The following ALMS1 variants were observed in gnomAD, a reference collection of about 807,000 sequenced individuals.
The protein encoded by ALMS1 is centrosome-associated protein ALMS1.
In ALMS1, 271 loss-of-function variants were observed where a neutral mutation model predicts 352.2. The observed-to-expected ratio is 0.77, with a 90% CI of 0.70 to 0.85. ALMS1 has a LOEUF of 0.85. ALMS1 is among the 40% of genes least tolerant of loss of function. The probability of loss-of-function intolerance (pLI) is 0.00; values close to 1 mark genes in which losing one functional copy is unlikely to be tolerated. For missense variants in ALMS1, 5,445 were observed against 4,870.7 expected (o/e 1.12, Z -3.51); for synonymous variants, 1,865 against 1,761.2 (o/e 1.06, Z -1.48).
At chr2:73,575,549 G>C (rs1360212082) in intron 16 of ALMS1, among the ~76,000 whole-genome samples, 1 of 152,090 alleles carries the variant, frequency 6.6e-6, no homozygotes, top group Non-Finnish European at 1.5e-5. Context: ...TTGTGGTTTT[G>C]ATTTGCATTT....
intron 7 of ALMS1, among the ~76,000 whole-genome samples, chr2:73,447,617 A>G (rs561192105): frequency 5.9e-5 from 9 of 152,248 alleles, no homozygotes; most frequent in African/African-American, 1.9e-4. Flanking sequence ...GCAAGACACA[A>G]TAACAGATTG....
At position 73,519,816 on chromosome 2, in the gene ALMS1, A is replaced by G. The variant is rs1673634547; in HGVS notation, c.9581A>G (p.Glu3194Gly). The G allele has an allele frequency of 6.2e-7, 1 of 1,613,910 alleles. No individual in the cohort carries two copies. Among genetic ancestry groups the G allele is most frequent in the African/African-American group, 1.3e-5 (1 of 74,904 alleles). Residue 3194 changes from glutamate (E) to glycine (G), a missense_variant, in exon 11 of 23, where the codon GAA (glutamate) becomes GGA (glycine). Physicochemically the swap from Glu to Gly is moderately conservative, Grantham distance 98. Coordinates refer to ENST00000613296, the MANE Select transcript of ALMS1 (RefSeq NM_001378454.1). ...AAGACCCCACTTTCTGCTTTCTCTG[A>G]AAAATTGTCATCTGATGCAGTCACT... is the stretch of plus-strand genomic sequence containing the variant. ...KMKTPLSAFSEKLSSDAVTQI... is the reference protein window; with the variant it reads ...KMKTPLSAFSGKLSSDAVTQI...
chr2:73,439,282 A>G (rs1671668925), intron 7 of ALMS1, among the ~76,000 whole-genome samples: 1 of 150,588 alleles, frequency 6.6e-6, no homozygotes, highest in Admixed American at 6.6e-5. Context: ...TGCCCAGCTA[A>G]TCTTTTTTTT....
intron 2 of ALMS1, among the ~76,000 whole-genome samples, chr2:73,416,831 C>A (rs779089383): frequency 6.6e-6 from 1 of 152,104 alleles, no homozygotes; most frequent in African/African-American, 2.4e-5. Context: ...CATAAAGACT[C>A]AAAAACTTGT....
At chr2:73,502,650 G>A (rs1673240792) in intron 10 of ALMS1, among the ~76,000 whole-genome samples, 1 of 152,098 alleles carries the variant, frequency 6.6e-6, no homozygotes, top group Admixed American at 6.6e-5. Context: ...CTATGGATAT[G>A]ATCATACATG....
In ALMS1 at chr2:73,386,142, T is replaced by C; in HGVS notation, c.274T>C (p.Ser92Pro). ...AHPGRILPPL[S>P]PPQHRYSEGE... is the part of the protein sequence containing the mutation. ...CCCCGGCAGGATTTTGCCTCCGCTGTCGCCCCCGCAGCACCGCTACTCGGA... is the reference window on the plus strand; with the variant it reads ...CCCCGGCAGGATTTTGCCTCCGCTGCCGCCCCCGCAGCACCGCTACTCGGA... The change falls in exon 1 of 23, where the codon TCG (serine) becomes CCG (proline). Residue 92 changes from serine to proline, a missense_variant. By Grantham distance (74) the Ser-to-Pro change is moderately conservative (BLOSUM62 -1). Transcript: ENST00000613296. 2 of 1,560,056 alleles carry C rather than the reference T, an allele frequency of 1.3e-6. No homozygotes were observed. The highest frequency in any genetic ancestry group is 1.7e-6 in the Non-Finnish European group (2 of 1,152,720).
Position 73,424,885 on chromosome 2 carries a change from C to T in ALMS1, c.1220C>T (p.Ala407Val). The T allele has an allele frequency of 6.2e-7, 1 of 1,601,822 alleles. No individual in the cohort carries two copies. Among genetic ancestry groups the T allele is most frequent in the Non-Finnish European group, 8.5e-7 (1 of 1,173,618 alleles). The change falls in exon 5 of 23, where the codon GCA becomes GTA. Residue 407 changes from alanine to valine, a missense_variant. Transcript: ENST00000613296. ...YWTQEDSSKQ[A>V]ETYLTKGLQG... is the part of the protein sequence containing the mutation. ...ACACAGGAAGATTCATCTAAGCAGG[C>T]AGAAACATATTTAACCAGTAAGTAC...
chr2:73,397,674 G>T (rs1670790552), intron 1 of ALMS1, among the ~76,000 whole-genome samples: 1 of 152,170 alleles, frequency 6.6e-6, no homozygotes, highest in Non-Finnish European at 1.5e-5. Flanking sequence ...ATTTCACCAT[G>T]TTAGGCTGGT....
At chr2:73,502,094 T>G (rs761709872) in intron 10 of ALMS1, among the ~76,000 whole-genome samples, 4 of 152,136 alleles carry the variant, frequency 2.6e-5, no homozygotes, top group Non-Finnish European at 4.4e-5. Context: ...GTCATGCCAA[T>G]TTGTAGGTCC....
chr2:73,442,562 T>A (rs1410941558), intron 7 of ALMS1, among the ~76,000 whole-genome samples: 1 of 152,180 alleles, frequency 6.6e-6, no homozygotes, highest in African/African-American at 2.4e-5. Flanking sequence ...ATTTCTATTA[T>A]ATACTTAACA....
intron 1 of ALMS1, among the ~76,000 whole-genome samples, chr2:73,389,349 C>T (rs1475535390): frequency 6.6e-6 from 1 of 152,088 alleles, no homozygotes; most frequent in East Asian, 1.9e-4. Flanking sequence ...AGTCCTTTGT[C>T]AGATGCATAG....
chr2:73,541,777 A>T (rs559169545), intron 12 of ALMS1, among the ~76,000 whole-genome samples: 8 of 152,260 alleles, frequency 5.3e-5, no homozygotes, highest in Non-Finnish European at 1.0e-4. Flanking sequence ...GAAGAAATGG[A>T]TAAATTCCTC....
intron 16 of ALMS1, among the ~76,000 whole-genome samples, chr2:73,599,086 A>G (rs1675615928): frequency 6.6e-6 from 1 of 152,156 alleles, no homozygotes; most frequent in South Asian, 2.1e-4. Flanking sequence ...TGCAGGTGTC[A>G]CTTCAGAATT....
At position 73,581,536 on chromosome 2, in the gene ALMS1, C is replaced by A. The variant is rs149862122; in HGVS notation, c.11547+8112C>A. 2.2e-4 allele frequency among the ~76,000 whole-genome samples: 33 copies of A among 152,308 alleles called. No individual in the cohort carries two copies. The East Asian group carries it at 5.0e-3, about 23-fold the overall frequency. Reference sequence around the variant, plus strand: ...CTACCTTGTGCTGATGGCCTTTCTCCTGGTTTAGCAAACACTTGGTTACTA... The same window carrying A: ...CTACCTTGTGCTGATGGCCTTTCTCATGGTTTAGCAAACACTTGGTTACTA... On this transcript the variant is annotated intron_variant, in intron 16 of 22. Transcript: ENST00000613296.
chr2:73,491,324 C>T lies in ALMS1; in HGVS notation c.9365C>T (p.Ser3122Leu), dbSNP rs1446353595. ...TTAGGTTTTCTAGGACCTAAATCTTCACTGGATTTCCAAGTCGTACAGCCT... is the reference window on the plus strand; with the variant it reads ...TTAGGTTTTCTAGGACCTAAATCTTTACTGGATTTCCAAGTCGTACAGCCT... ...ESLGFLGPKS[S>L]LDFQVVQPSL... Residue 3122 changes from serine to leucine, a missense_variant, in exon 10 of 23, where the codon TCA becomes TTA. Transcript: ENST00000613296. 2 of 1,614,080 alleles carry T rather than the reference C, an allele frequency of 1.2e-6. No individual in the cohort carries two copies. Among genetic ancestry groups the T allele is most frequent in the Non-Finnish European group, 1.7e-6 (2 of 1,180,036 alleles).
At chr2:73,441,402 A>G (rs1671715597) in intron 7 of ALMS1, among the ~76,000 whole-genome samples, 1 of 152,116 alleles carries the variant, frequency 6.6e-6, no homozygotes, top group African/African-American at 2.4e-5. Context: ...GGAGATGCCA[A>G]ACCTGTTGGG....
chr2:73,422,968 C>T lies in ALMS1; in HGVS notation c.758C>T (p.Pro253Leu). The change falls in exon 4 of 23, where the codon CCT (proline) becomes CTT (leucine). Residue 253 changes from proline (P) to leucine (L), a missense_variant. Pro to Leu is a moderately conservative substitution (Grantham distance 98, BLOSUM62 -3). Transcript: ENST00000613296. ...LFHQSELSFA[P>L]LRGIPDKSED... ...CATCAAAGTGAACTAAGTTTTGCAC[C>T]TCTGAGGTAGGATGATTTATTTGCA... 1 of 1,605,138 alleles carries T rather than the reference C, an allele frequency of 6.2e-7. No homozygotes were observed. The highest frequency in any genetic ancestry group is 8.5e-7 in the Non-Finnish European group (1 of 1,172,024).
At chr2:73,455,394 T>G in intron 9 of ALMS1, 99 bp downstream of exon 9, 1 of 1,510,862 alleles carries the variant, frequency 6.6e-7, no homozygotes, top group Non-Finnish European at 9.0e-7. Context: ...CTGATAATAT[T>G]TGGCTAAAGC....
chr2:73,543,444 A>G (rs1406990803), intron 12 of ALMS1, among the ~76,000 whole-genome samples: 1 of 152,222 alleles, frequency 6.6e-6, no homozygotes, highest in Non-Finnish European at 1.5e-5. Context: ...ACCATTCAGG[A>G]CACAGGCATG....
Sources: allele counts gnomAD v4.1 joint callset (sites outside exome capture counted in the v4.1 genomes callset), GRCh38; gene constraint gnomAD v4.1.1; transcripts MANE v1.5; gene names NCBI Gene and HGNC (gene_info 2026-07-23, HGNC 2026-07-21).